Variants in HIP1 observed in about 807,000 individuals in gnomAD.
HIP1 encodes the protein huntingtin-interacting protein 1.
Under a neutral mutation model 147.6 loss-of-function variants are expected in HIP1, and 65 were observed. The observed-to-expected ratio is 0.44, with a 90% CI of 0.36 to 0.54. The LOEUF is 0.54. Among genes scored for constraint, HIP1 ranks in the 20% least tolerant of loss-of-function variants. HIP1 has a pLI of 0.00. For missense variants in HIP1, 1,061 were observed against 1,299.6 expected (o/e 0.82, Z 2.82); for synonymous variants, 479 against 504.0 (o/e 0.95, Z 0.67).
At chr7:75,712,301 C>T (rs1467332658) in intron 1 of HIP1, among the ~76,000 whole-genome samples, 2 of 152,160 alleles carry the variant, frequency 1.3e-5, no homozygotes, top group African/African-American at 4.8e-5. Context: ...CAAAATGAGC[C>T]TGATTTCCTG....
intron 5 of HIP1, among the ~76,000 whole-genome samples, 154 bp from the exon 6 acceptor site, chr7:75,582,305 C>T (rs587627014): frequency 6.6e-6 from 1 of 151,608 alleles, no homozygotes; most frequent in African/African-American, 2.4e-5. Context: ...CAGTTCAAGG[C>T]CACTGCACTC....
At chr7:75,562,709 C>T (rs587637989) in intron 11 of HIP1, among the ~76,000 whole-genome samples, 1 of 152,296 alleles carries the variant, frequency 6.6e-6, no homozygotes, top group Non-Finnish European at 1.5e-5. Context: ...GTCTTCCCAC[C>T]TTGGCCTTGC....
intron 1 of HIP1, among the ~76,000 whole-genome samples, chr7:75,675,509 A>C (rs1205473810): frequency 6.6e-6 from 1 of 151,102 alleles, no homozygotes; most frequent in East Asian, 1.9e-4. Context: ...GCCTCCACTA[A>C]ATTTTTTGTT....
In HIP1 at chr7:75,541,945, T is replaced by C. The variant is rs1554489969; in HGVS notation, c.2926A>G (p.Ile976Val). Residue 976 changes from isoleucine (I) to valine (V), a missense_variant, in exon 29 of 31, where the codon ATC becomes GTC. By Grantham distance (29) the Ile-to-Val change is conservative (BLOSUM62 3). Around this residue, in one of 3 missense-constraint regions of HIP1, gnomAD observed 810 missense variants for 946.8 expected, o/e 0.86. Transcript: ENST00000336926. ...TGAGAATCCATCTCTTGGCGTTTGATCTGTGTCAGCGTCATGCTTGAGAAG... is the reference window on the plus strand; with the variant it reads ...TGAGAATCCATCTCTTGGCGTTTGACCTGTGTCAGCGTCATGCTTGAGAAG... Reference protein sequence around the residue: ...MDFSSMTLTQIKRQEMDSQVR... With the variant: ...MDFSSMTLTQVKRQEMDSQVR... 3.7e-6 allele frequency: 6 copies of C among 1,613,940 alleles called. No individual in the cohort carries two copies. Among genetic ancestry groups the C allele is most frequent in the Non-Finnish European group, 4.2e-6 (5 of 1,179,830 alleles).
At chr7:75,591,893 A>G (rs1796512897) in intron 4 of HIP1, among the ~76,000 whole-genome samples, 163 bp downstream of exon 4, 1 of 152,104 alleles carries the variant, frequency 6.6e-6, no homozygotes. Context: ...TATGGATATC[A>G]TGGTACTCTT....
Position 75,556,824 on chromosome 7 carries a change from A to G in HIP1, c.1582-13T>C, listed in dbSNP as rs1554493474. 1 of 1,511,194 alleles carries G rather than the reference A, an allele frequency of 6.6e-7. No homozygotes were observed. Among genetic ancestry groups the G allele is most frequent in the Admixed American group, 1.7e-5 (1 of 59,524 alleles). The allele number at this position is 1,511,194 out of a possible 1,614,324, so 93.6% of individuals were successfully genotyped here. ...GCTGTTCTTGAGTCTGAAAGAGAAG[A>G]AAAACAGAGGGACTCTGATCTGGGT... On this transcript the variant is annotated splice_polypyrimidine_tract_variant and intron_variant, in intron 16 of 30. Transcript: ENST00000336926.
chr7:75,673,878 C>T (rs986176190), intron 1 of HIP1, among the ~76,000 whole-genome samples: 2 of 150,204 alleles, frequency 1.3e-5, no homozygotes, highest in Admixed American at 6.7e-5. Context: ...CCAAGCTACT[C>T]GAGAGGCTGA....
chr7:75,556,860 A>C (rs1795025300), intron 16 of HIP1, 49 bp from the exon 17 acceptor site: 2 of 1,136,760 alleles, frequency 1.8e-6, no homozygotes, highest in East Asian at 4.7e-5. Context: ...GACAGTGACA[A>C]AGAATATAAA....
intron 1 of HIP1, chr7:75,639,020 G>A: frequency 1.0e-6 from 1 of 953,612 alleles, no homozygotes; most frequent in Non-Finnish European, 1.2e-6. Context: ...GTGGGGAGGG[G>A]GCTCGGGGCA....
chr7:75,696,308 C>T (rs1584958135), intron 1 of HIP1, among the ~76,000 whole-genome samples: 1 of 151,984 alleles, frequency 6.6e-6, no homozygotes, highest in Non-Finnish European at 1.5e-5. Context: ...TCTTTTCTTT[C>T]CAAAATGTGT....
chr7:75,573,693 C>A, intron 8 of HIP1, 68 bp downstream of exon 8: 2 of 1,499,180 alleles, frequency 1.3e-6, no homozygotes, highest in South Asian at 1.2e-5. Context: ...TCTCTGGGGA[C>A]ATCCTCAGGC....
chr7:75,541,877 T>C lies in HIP1; in HGVS notation c.2952+42A>G, dbSNP rs1554489953. 5 of 1,415,418 alleles carry C rather than the reference T, an allele frequency of 3.5e-6. No individual in the cohort carries two copies. The Admixed American group carries it at 8.4e-5, about 24-fold the overall frequency. 87.7% of individuals were successfully genotyped at this position (1,415,418 alleles called of 1,614,324 possible). ...GGGAATAATATTCAGAGTCCATGTC[T>C]AGGCAATAGAGGCTATCTAGACTTA... On this transcript the variant is annotated intron_variant, in intron 29 of 30. Coordinates refer to ENST00000336926, the MANE Select transcript of HIP1 (RefSeq NM_005338.7).
chr7:75,614,697 A>T (rs2117069245), intron 1 of HIP1, among the ~76,000 whole-genome samples: 1 of 152,222 alleles, frequency 6.6e-6, no homozygotes, highest in East Asian at 1.9e-4. Context: ...ATACACTTGA[A>T]TTTGTTACAA....
chr7:75,538,567 CTTCTTTTTTTTT>C (rs1471479264), intron 30 of HIP1, among the ~76,000 whole-genome samples: 3 of 134,648 alleles, frequency 2.2e-5, no homozygotes, highest in African/African-American at 8.4e-5. Flanking sequence ...CACCTGATCC[CTTCTTTTTTTTT>C]TTTTTTTTTT....
intron 1 of HIP1, among the ~76,000 whole-genome samples, chr7:75,735,969 AC>A: frequency 6.6e-6 from 1 of 151,932 alleles, no homozygotes; most frequent in East Asian, 1.9e-4. Flanking sequence ...GCAGTGGCTC[AC>A]ACCTGAAATC....
chr7:75,635,145 A>G (rs4731231), intron 1 of HIP1, among the ~76,000 whole-genome samples: 28,470 of 152,034 alleles, frequency 0.19, 3,040 homozygotes, highest in Non-Finnish European at 0.25. Flanking sequence ...AGGTATCTGC[A>G]CTTTATCCCT....
At chr7:75,728,787 CAAA>C (rs782634244) in intron 1 of HIP1, among the ~76,000 whole-genome samples, 2 of 62,752 alleles carry the variant, frequency 3.2e-5, no homozygotes, top group Non-Finnish European at 6.4e-5. Flanking sequence ...GACTCTGTCT[CAAA>C]AAAAAAAAAA....
At chr7:75,560,546 C>T (rs1244170177) in intron 13 of HIP1, among the ~76,000 whole-genome samples, 1 of 152,080 alleles carries the variant, frequency 6.6e-6, no homozygotes, top group Non-Finnish European at 1.5e-5. Flanking sequence ...GCCACTGTGC[C>T]CGGCAAACCA....
At chr7:75,736,093 T>C (rs1262343324) in intron 1 of HIP1, among the ~76,000 whole-genome samples, 3 of 148,294 alleles carry the variant, frequency 2.0e-5, no homozygotes, top group African/African-American at 7.4e-5. Context: ...AAAATAAGAG[T>C]TTCAACATCA....
Sources: allele counts gnomAD v4.1 joint callset (sites outside exome capture counted in the v4.1 genomes callset), GRCh38; gene constraint gnomAD v4.1.1; regional missense constraint gnomAD v4.1.1; transcripts MANE v1.5; gene names NCBI Gene and HGNC (gene_info 2026-07-23, HGNC 2026-07-21).